CPED1: variants seen among roughly 807,000 people sequenced by gnomAD.
CPED1 encodes cadherin like and PC-esterase domain containing 1.
A neutral mutation model predicts 128.2 loss-of-function variants in CPED1; 114 were observed. The ratio of observed to expected loss-of-function variants is 0.89; its 90% confidence interval spans 0.76 to 1.04. CPED1 has a LOEUF of 1.04. Ranked by LOEUF, CPED1 falls within the 50% of genes least tolerant of loss-of-function variation. The pLI is 0.00. For missense variants in CPED1, 1,211 were observed against 1,207.1 expected, an observed-to-expected ratio of 1.00 and a Z score of -0.05; for synonymous variants, 462 against 426.7, an observed-to-expected ratio of 1.08 and a Z score of -1.02.
chr7:121,230,165 A>G (rs1798105393), intron 16 of CPED1, among the ~76,000 whole-genome samples: 1 of 152,090 alleles, frequency 6.6e-6, no homozygotes, highest in Non-Finnish European at 1.5e-5. Context: ...CCCATGATAA[A>G]AGAACATGAA....
At position 121,284,387 on chromosome 7, in the gene CPED1, T is replaced by C. The variant is rs576823392; in HGVS notation, c.2869-11053T>C. On this transcript the variant is annotated intron_variant, in intron 22 of 22. Coordinates refer to ENST00000310396, the MANE Select transcript of CPED1 (RefSeq NM_024913.5). Reference sequence around the variant, plus strand: ...CCCTGGCTCCTCTCCAAATCTCATGTCCTTCCATTTCAAAACGTAATCATG... The same window carrying C: ...CCCTGGCTCCTCTCCAAATCTCATGCCCTTCCATTTCAAAACGTAATCATG... 2.0e-5 allele frequency among the ~76,000 whole-genome samples: 3 copies of C among 152,228 alleles called. No homozygotes were observed. In the South Asian group the frequency reaches 6.2e-4, roughly 32 times the overall value.
intron 16 of CPED1, among the ~76,000 whole-genome samples, chr7:121,152,963 G>A (rs1796192785): frequency 2.0e-5 from 3 of 152,088 alleles, no homozygotes; most frequent in Admixed American, 2.0e-4. Flanking sequence ...ATTAATGGTG[G>A]ATTTCATTTT....
At chr7:121,198,157 C>CA (rs1747132352) in intron 16 of CPED1, among the ~76,000 whole-genome samples, 2 of 152,008 alleles carry the variant, frequency 1.3e-5, no homozygotes, top group Non-Finnish European at 1.5e-5. Flanking sequence ...GTGGTGTCAG[C>CA]AGAGTTTATT....
chr7:121,241,865 A>G (rs1235082098), intron 17 of CPED1, among the ~76,000 whole-genome samples: 1 of 152,224 alleles, frequency 6.6e-6, no homozygotes, highest in African/African-American at 2.4e-5. Context: ...AGTAAATTTA[A>G]TCATGAAAAG....
intron 3 of CPED1, among the ~76,000 whole-genome samples, chr7:121,016,843 A>G (rs988303387): frequency 6.6e-6 from 1 of 152,294 alleles, no homozygotes; most frequent in Non-Finnish European, 1.5e-5. Flanking sequence ...GGGGAGGAGG[A>G]GAAGCAATTT....
chr7:121,232,574 G>A (rs1279502241), intron 16 of CPED1, among the ~76,000 whole-genome samples: 2 of 152,098 alleles, frequency 1.3e-5, no homozygotes, highest in Non-Finnish European at 2.9e-5. Context: ...TGGGCTAAGA[G>A]TGAATTTATC....
intron 16 of CPED1, among the ~76,000 whole-genome samples, chr7:121,197,227 A>G (rs1471643091): frequency 6.6e-6 from 1 of 151,020 alleles, no homozygotes; most frequent in East Asian, 1.9e-4. Flanking sequence ...ATTGACTCTC[A>G]TTTTAAAATG....
Position 121,296,703 on chromosome 7 carries a change from A to G in CPED1, c.*1051A>G, listed in dbSNP as rs1363265380. The G allele has an allele frequency of 6.6e-6, 1 of 152,174 alleles. No individual in the cohort carries two copies. Among genetic ancestry groups the G allele is most frequent in the Non-Finnish European group, 1.5e-5 (1 of 67,964 alleles). 9.4% of individuals were successfully genotyped at this position (152,174 alleles called of 1,614,324 possible). A position where few individuals can be genotyped will look rare whatever the true frequency, so the allele number is the denominator to read the frequency against. ...TTATTTTAATTAAACTGTGGCATAC[A>G]TATAATACATACCTAATTATAGTAG... On this transcript the variant is annotated 3_prime_UTR_variant, in exon 23 of 23. Transcript: ENST00000310396.
At chr7:121,202,135 C>G (rs1302707018) in intron 16 of CPED1, among the ~76,000 whole-genome samples, 1 of 152,110 alleles carries the variant, frequency 6.6e-6, no homozygotes, top group Non-Finnish European at 1.5e-5. Context: ...AGAACATTAC[C>G]TCTGACCTGG....
intron 5 of CPED1, among the ~76,000 whole-genome samples, chr7:121,095,837 C>T (rs1468009177): frequency 1.3e-5 from 2 of 152,084 alleles, no homozygotes; most frequent in Non-Finnish European, 2.9e-5. Context: ...TCTTTAATGT[C>T]AAGTGTGCTT....
intron 16 of CPED1, among the ~76,000 whole-genome samples, chr7:121,198,890 T>C (rs1269766890): frequency 6.6e-6 from 1 of 152,168 alleles, no homozygotes; most frequent in Non-Finnish European, 1.5e-5. Context: ...AGATTCCCTC[T>C]GAAGCAAATG....
intron 5 of CPED1, among the ~76,000 whole-genome samples, chr7:121,092,156 C>A (rs1794587949): frequency 6.6e-6 from 1 of 152,144 alleles, no homozygotes; most frequent in Non-Finnish European, 1.5e-5. Context: ...CTGTGGATCC[C>A]TTCCTGGGAC....
chr7:121,257,803 C>T (rs1258785515), intron 18 of CPED1, among the ~76,000 whole-genome samples: 1 of 152,028 alleles, frequency 6.6e-6, no homozygotes, highest in East Asian at 1.9e-4. Flanking sequence ...GTTCTATAAT[C>T]TCCAACCCAT....
Position 121,295,568 on chromosome 7 carries a change from G to A in CPED1, c.2997G>A (p.Ser999=), listed in dbSNP as rs772089376. Reference sequence around the variant, plus strand: ...AAGGCACTGTAACAAATTTTCGATCGCCATATCATGTCAGAGGTCCAATAA... The same window carrying A: ...AAGGCACTGTAACAAATTTTCGATCACCATATCATGTCAGAGGTCCAATAA... ...LQQGTVTNFR[S]PYHVRGPINQ... is the part of the protein sequence containing the mutation. The change falls in exon 23 of 23, where the codon TCG becomes TCA. Residue 999 remains serine, a synonymous_variant. Transcript: ENST00000310396. The A allele has an allele frequency of 8.1e-6, 13 of 1,613,864 alleles. No individual in the cohort carries two copies. The highest frequency in any genetic ancestry group is 2.2e-5 in the South Asian group (2 of 91,078).
intron 3 of CPED1, among the ~76,000 whole-genome samples, chr7:121,038,698 T>C (rs936831248): frequency 2.0e-5 from 3 of 151,972 alleles, no homozygotes; most frequent in Non-Finnish European, 4.4e-5. Flanking sequence ...TTACATTTAG[T>C]CATCGTGTTT....
chr7:121,212,258 T>G (rs192155258), intron 16 of CPED1, among the ~76,000 whole-genome samples: 2 of 152,134 alleles, frequency 1.3e-5, no homozygotes. Flanking sequence ...GATTGTCTTG[T>G]GTATTTTATG....
intron 17 of CPED1, among the ~76,000 whole-genome samples, chr7:121,240,125 C>T (rs1478165993): frequency 6.6e-6 from 1 of 152,136 alleles, no homozygotes; most frequent in East Asian, 1.9e-4. Context: ...GTAGTATGAA[C>T]CACTGGGGCC....
chr7:121,202,282 T>C (rs1797417590), intron 16 of CPED1, among the ~76,000 whole-genome samples: 1 of 152,124 alleles, frequency 6.6e-6, no homozygotes, highest in South Asian at 2.1e-4. Context: ...GTGCCTCTGC[T>C]GGAATTAGCG....
At chr7:121,212,497 T>G (rs1797669316) in intron 16 of CPED1, among the ~76,000 whole-genome samples, 2 of 152,022 alleles carry the variant, frequency 1.3e-5, no homozygotes, top group Non-Finnish European at 1.5e-5. Context: ...ATACTTCAAG[T>G]TTAAACTAAA....
Sources: gnomAD v4.1 joint callset for allele counts (sites outside exome capture counted in the v4.1 genomes callset) on GRCh38, gnomAD v4.1.1 for gene constraint, MANE v1.5 for transcripts, NCBI Gene and HGNC (gene_info 2026-07-23, HGNC 2026-07-21) for gene names.